Variants in ERBB4 observed in about 807,000 individuals in gnomAD.
ERBB4 encodes erb-b2 receptor tyrosine kinase 4.
Under a neutral mutation model 158.0 loss-of-function variants are expected in ERBB4, and 42 were observed. That is an observed-to-expected ratio of 0.27 (90% CI 0.21 to 0.34). The LOEUF (loss-of-function observed/expected upper bound fraction) is 0.34. ERBB4 is among the 10% of genes least tolerant of loss of function. The pLI, the probability that ERBB4 is intolerant of heterozygous loss-of-function variation, is 1.00. For synonymous variants in ERBB4, 583 were observed against 558.7 expected (o/e 1.04, Z -0.61); for missense variants, 1,333 against 1,624.1 (o/e 0.82, Z 3.08).
chr2:211,823,241 T>C (rs1439597738), intron 3 of ERBB4, among the ~76,000 whole-genome samples: 1 of 151,904 alleles, frequency 6.6e-6, no homozygotes, highest in Non-Finnish European at 1.5e-5. Context: ...AATAGGTAAG[T>C]GAAACAATAG....
chr2:211,728,386 A>G (rs2074334447), intron 5 of ERBB4, among the ~76,000 whole-genome samples: 1 of 151,680 alleles, frequency 6.6e-6, no homozygotes, highest in Admixed American at 6.6e-5. Flanking sequence ...GTATCCTTTC[A>G]TTAACTCTTC....
intron 1 of ERBB4, among the ~76,000 whole-genome samples, chr2:212,216,132 T>C (rs531036593): frequency 1.3e-5 from 2 of 151,536 alleles, no homozygotes; most frequent in South Asian, 4.1e-4. Flanking sequence ...AGTTGTATCA[T>C]ATATGGATCT....
intron 1 of ERBB4, among the ~76,000 whole-genome samples, chr2:212,378,501 C>T (rs955551272): frequency 1.3e-5 from 2 of 151,848 alleles, no homozygotes; most frequent in African/African-American, 4.8e-5. Context: ...CCTTTTGTCT[C>T]CAGCAAAGAT....
chr2:211,702,268 G>C, intron 11 of ERBB4, 102 bp from the exon 12 acceptor site: 1 of 862,746 alleles, frequency 1.2e-6, no homozygotes, highest in Non-Finnish European at 2.0e-6. Context: ...GTGTATAAAT[G>C]GAAACTGAAT....
chr2:212,320,230 TTA>T (rs1491388510), intron 1 of ERBB4, among the ~76,000 whole-genome samples: 24 of 124,050 alleles, frequency 1.9e-4, no homozygotes, highest in East Asian at 4.1e-4. Context: ...AGTCATACTT[TTA>T]TTTTTTTCCT....
chr2:212,523,588 C>A (rs747964747), intron 1 of ERBB4, among the ~76,000 whole-genome samples: 3 of 151,652 alleles, frequency 2.0e-5, no homozygotes, highest in Admixed American at 2.0e-4. Context: ...AAATCCTTCA[C>A]AAATCTACTA....
chr2:211,598,489 C>T (rs749118922), intron 19 of ERBB4, among the ~76,000 whole-genome samples: 1 of 152,142 alleles, frequency 6.6e-6, no homozygotes, highest in Non-Finnish European at 1.5e-5. Context: ...GTAAAACTTA[C>T]ATCTGTTTGG....
At chr2:211,821,748 C>T (rs1328976887) in intron 3 of ERBB4, among the ~76,000 whole-genome samples, 1 of 151,842 alleles carries the variant, frequency 6.6e-6, no homozygotes, top group Non-Finnish European at 1.5e-5. Flanking sequence ...TAAAAATACA[C>T]ATTGCAGAAA....
At chr2:211,751,656 A>C (rs1301405094) in intron 4 of ERBB4, among the ~76,000 whole-genome samples, 1 of 152,230 alleles carries the variant, frequency 6.6e-6, no homozygotes, top group Admixed American at 6.5e-5. Context: ...AACGTTAACT[A>C]TATTATAAAT....
chr2:211,761,612 T>C (rs2075415993), intron 4 of ERBB4, among the ~76,000 whole-genome samples: 1 of 152,232 alleles, frequency 6.6e-6, no homozygotes, highest in African/African-American at 2.4e-5. Flanking sequence ...ACTTTGATTC[T>C]ATTATTTGTT....
intron 3 of ERBB4, among the ~76,000 whole-genome samples, chr2:211,796,380 C>G (rs929735903): frequency 3.3e-5 from 5 of 151,980 alleles, no homozygotes; most frequent in African/African-American, 2.4e-5. Flanking sequence ...CATTTGGATA[C>G]TTTCCACACT....
intron 1 of ERBB4, among the ~76,000 whole-genome samples, chr2:212,317,179 T>C (rs562210236): frequency 6.6e-6 from 1 of 151,628 alleles, no homozygotes; most frequent in East Asian, 2.0e-4. Context: ...GATTTTTTTT[T>C]CCAACTAATA....
intron 1 of ERBB4, among the ~76,000 whole-genome samples, chr2:212,331,514 C>G (rs1465396763): frequency 1.3e-5 from 2 of 151,842 alleles, no homozygotes; most frequent in Non-Finnish European, 2.9e-5. Flanking sequence ...TATCATAAAA[C>G]TAGAACCCAG....
In ERBB4 at chr2:211,666,954, G is replaced by T. The variant is rs192167410; in HGVS notation, c.1717-1477C>A. 1.7e-3 allele frequency among the ~76,000 whole-genome samples: 252 copies of T among 152,268 alleles called. 1 individual carries two copies. Among genetic ancestry groups the T allele is most frequent in the African/African-American group, 5.8e-3 (240 of 41,570 alleles). ...TAAGTTATAAAGAACTAGATATTAG[G>T]TAGGGATTGTAAAGATAATGGGAGT... On this transcript the variant is annotated intron_variant, in intron 14 of 27. Coordinates refer to ENST00000342788, the MANE Select transcript of ERBB4 (RefSeq NM_005235.3).
intron 1 of ERBB4, among the ~76,000 whole-genome samples, chr2:212,473,191 TTTA>T (rs1316405956): frequency 6.6e-6 from 1 of 151,998 alleles, no homozygotes; most frequent in Admixed American, 6.6e-5. Flanking sequence ...TTGAATATGG[TTTA>T]TTATTATTCT....
At chr2:211,852,748 T>C (rs898820879) in intron 3 of ERBB4, among the ~76,000 whole-genome samples, 4 of 151,230 alleles carry the variant, frequency 2.6e-5, no homozygotes, top group African/African-American at 4.9e-5. Flanking sequence ...TGTCTAAATA[T>C]GTGGGAAAAG....
intron 2 of ERBB4, among the ~76,000 whole-genome samples, chr2:212,009,039 TAAACAG>T (rs2076319845): frequency 1.2e-3 from 1 of 858 alleles, no homozygotes; most frequent in Non-Finnish European, 8.8e-3. Flanking sequence ...AATGTTTTTC[TAAACAG>T]AAATTTTAGT....
At chr2:212,305,922 C>T (rs1032319385) in intron 1 of ERBB4, among the ~76,000 whole-genome samples, 2 of 151,234 alleles carry the variant, frequency 1.3e-5, no homozygotes, top group African/African-American at 4.8e-5. Context: ...AAAATAGCCT[C>T]AATGTTTTTT....
rs34396660 is a variant in ERBB4, at chr2:212,064,988, G to GGTGT, written c.234+59760_234+59763dup. 9.3e-3 allele frequency among the ~76,000 whole-genome samples: 1,335 copies of GGTGT among 143,362 alleles called. 15 individuals carry two copies. The highest frequency in any genetic ancestry group is 0.025 in the African/African-American group (953 of 38,644). The allele number at this position is 143,362 out of a possible 152,430, so 94.1% of individuals were successfully genotyped here. A position where few individuals can be genotyped will look rare whatever the true frequency, so the allele number is the denominator to read the frequency against. On this transcript the variant is annotated intron_variant, in intron 2 of 27. Coordinates refer to ENST00000342788, the MANE Select transcript of ERBB4 (RefSeq NM_005235.3). ...TCCACCACCATAACAACATCTTTAT[G>GGTGT]GTGTGTGTGTGTGTGTGTGTGTGTG...
Sources: allele counts gnomAD v4.1 joint callset (sites outside exome capture counted in the v4.1 genomes callset), GRCh38; gene constraint gnomAD v4.1.1; transcripts MANE v1.5; gene names NCBI Gene and HGNC (gene_info 2026-07-23, HGNC 2026-07-21).